BRD4: variants seen among roughly 807,000 people sequenced by gnomAD.
BRD4 encodes the protein bromodomain containing 4, also known as bromodomain-containing protein 4.
A neutral mutation model predicts 142.1 loss-of-function variants in BRD4; 16 were observed. The observed-to-expected ratio is 0.11, with a 90% CI of 0.08 to 0.17. The LOEUF (loss-of-function observed/expected upper bound fraction) is 0.17. BRD4 is among the 10% of genes least tolerant of loss of function. The pLI is 1.00. For synonymous variants in BRD4, 833 were observed against 707.5 expected (o/e 1.18, Z -2.82); for missense variants, 1,424 against 1,810.9 (o/e 0.79, Z 3.88).
intron 1 of BRD4, among the ~76,000 whole-genome samples, chr19:15,328,535 C>A (rs1599536895): frequency 6.6e-6 from 1 of 152,220 alleles, no homozygotes. Context: ...CCAGCGTTAT[C>A]TTAGTTGAAA....
chr19:15,289,352 G>A (rs1196173386), intron 1 of BRD4, among the ~76,000 whole-genome samples: 1 of 152,142 alleles, frequency 6.6e-6, no homozygotes, highest in Non-Finnish European at 1.5e-5. Flanking sequence ...AGGAGTTCGG[G>A]ACCAACCTGA....
At chr19:15,283,782 C>T (rs975508587) in intron 1 of BRD4, among the ~76,000 whole-genome samples, 3 of 152,216 alleles carry the variant, frequency 2.0e-5, no homozygotes, top group Non-Finnish European at 2.9e-5. Context: ...CTTCTCAAAG[C>T]AGCAGAGCAG....
chr19:15,298,605 G>C (rs186176690), intron 1 of BRD4, among the ~76,000 whole-genome samples: 2 of 121,632 alleles, frequency 1.6e-5, no homozygotes. Flanking sequence ...TGGGCAACAG[G>C]GCGAGACTCC....
chr19:15,267,600 C>A, intron 3 of BRD4, 49 bp from the exon 4 acceptor site: 1 of 1,591,122 alleles, frequency 6.3e-7, no homozygotes, highest in Non-Finnish European at 8.5e-7. Context: ...CCCCTCCCCA[C>A]CTCTGTAGAC....
At chr19:15,244,654 G>C (rs2047269650) in intron 12 of BRD4, 54 bp from the exon 13 acceptor site, 1 of 1,614,042 alleles carries the variant, frequency 6.2e-7, no homozygotes, top group East Asian at 2.2e-5. Flanking sequence ...AGGCAGAACT[G>C]GCCCGGGCCA....
rs779098106 is a variant in BRD4, at chr19:15,265,670, T to TA, written c.560-28dup. On this transcript the variant is annotated intron_variant, in intron 4 of 19. Coordinates refer to ENST00000679869, the MANE Select transcript of BRD4 (RefSeq NM_001379291.1). Reference sequence around the variant, plus strand: ...TACAAATCATAATAAGACGGCGAGTTAGAGACCATGCTGACATCCACATGC... The same window carrying TA: ...TACAAATCATAATAAGACGGCGAGTTAAGAGACCATGCTGACATCCACATGC... 3.0e-5 allele frequency: 48 copies of TA among 1,613,356 alleles called. No individual in the cohort carries two copies. The East Asian group carries it at 1.0e-3, about 34-fold the overall frequency.
At chr19:15,326,436 A>G (rs937628213) in intron 1 of BRD4, among the ~76,000 whole-genome samples, 2 of 152,116 alleles carry the variant, frequency 1.3e-5, no homozygotes, top group Non-Finnish European at 1.5e-5. Flanking sequence ...TGGGTGACAG[A>G]GCAAAGACTT....
intron 11 of BRD4, chr19:15,245,002 C>T (rs892782394): frequency 1.2e-5 from 8 of 693,926 alleles, no homozygotes; most frequent in African/African-American, 1.8e-5. Context: ...AAAAAGCCTC[C>T]CCTGCCAAGC....
At chr19:15,257,309 T>C in intron 7 of BRD4, 136 bp from the exon 8 acceptor site, 1 of 844,556 alleles carries the variant, frequency 1.2e-6, no homozygotes, top group Non-Finnish European at 1.8e-6. Context: ...TCCTGTCTCT[T>C]TGCTGCCGAG....
At chr19:15,288,714 G>A (rs974675254) in intron 1 of BRD4, among the ~76,000 whole-genome samples, 2 of 152,216 alleles carry the variant, frequency 1.3e-5, no homozygotes, top group African/African-American at 2.4e-5. Flanking sequence ...GGAAGTCAAC[G>A]CCCGAGGGTG....
At position 15,238,609 on chromosome 19, in the gene BRD4, CA is replaced by C; in HGVS notation, c.4020+133del. 1 of 1,467,722 alleles carries C rather than the reference CA, an allele frequency of 6.8e-7. No homozygotes were observed. Among genetic ancestry groups the C allele is most frequent in the Non-Finnish European group, 9.0e-7 (1 of 1,106,480 alleles). 90.9% of individuals were successfully genotyped at this position (1,467,722 alleles called of 1,614,324 possible). ...GCACTCAGGGCCCTACAGCTGAGTC[CA>C]GAGGACCACATGCCGACCAGCAGGG... is the stretch of plus-strand genomic sequence containing the variant. On this transcript the variant is annotated intron_variant, in intron 19 of 19. Transcript: ENST00000679869. The surrounding 1 kb of genome is among the most constrained non-coding windows in gnomAD (Gnocchi z 7.2).
intron 1 of BRD4, among the ~76,000 whole-genome samples, chr19:15,309,439 G>A (rs987232914): frequency 1.3e-5 from 2 of 151,932 alleles, no homozygotes; most frequent in Non-Finnish European, 2.9e-5. Flanking sequence ...CGGCAAAGAT[G>A]TGGAGAAACT....
chr19:15,253,627 G>A (rs2047372602), intron 11 of BRD4: 2 of 1,596,442 alleles, frequency 1.3e-6, no homozygotes, highest in Non-Finnish European at 1.7e-6. Flanking sequence ...CCAGGTGATG[G>A]CAGGGCCAGC....
intron 2 of BRD4, among the ~76,000 whole-genome samples, chr19:15,269,810 G>A (rs140107248): frequency 5.0e-4 from 76 of 152,324 alleles, no homozygotes; most frequent in African/African-American, 1.8e-3. Context: ...AGATGTAAAC[G>A]TCTTAAAGTG....
intron 1 of BRD4, among the ~76,000 whole-genome samples, chr19:15,311,467 G>C (rs1297274477): frequency 6.6e-6 from 1 of 152,000 alleles, no homozygotes; most frequent in Non-Finnish European, 1.5e-5. Flanking sequence ...ATTATGCTTA[G>C]TGAAGTAAGC....
intron 7 of BRD4, among the ~76,000 whole-genome samples, chr19:15,262,554 A>G (rs2047484582): frequency 6.7e-6 from 1 of 150,012 alleles, no homozygotes; most frequent in Non-Finnish European, 1.5e-5. Context: ...AAAAAAAAAA[A>G]GAAAATAAAC....
At chr19:15,300,978 G>A (rs905484699) in intron 1 of BRD4, among the ~76,000 whole-genome samples, 3 of 152,214 alleles carry the variant, frequency 2.0e-5, no homozygotes, top group Non-Finnish European at 4.4e-5. Context: ...AACTGCATGT[G>A]AATAGCTTTA....
Position 15,237,100 on chromosome 19 carries a change from T to C in BRD4, c.*1277A>G, listed in dbSNP as rs1468768239. ...CCAGGTAGGGGAGTCTCTGCCTTAG[T>C]CTGTGGCGCCCCCAGGGCCCGGTTC... On this transcript the variant is annotated 3_prime_UTR_variant, in exon 20 of 20. Coordinates refer to ENST00000679869, the MANE Select transcript of BRD4 (RefSeq NM_001379291.1). 4 of 209,098 alleles carry C rather than the reference T, an allele frequency of 1.9e-5. No homozygotes were observed. The Admixed American group carries it at 2.4e-4, about 12-fold the overall frequency. The allele number at this position is 209,098 out of a possible 1,614,324, so 13.0% of individuals were successfully genotyped here.
At chr19:15,314,932 CAAATGAACG>C (rs2048003554) in intron 1 of BRD4, among the ~76,000 whole-genome samples, 1 of 152,152 alleles carries the variant, frequency 6.6e-6, no homozygotes, top group Non-Finnish European at 1.5e-5. Context: ...GAAGAAGAAT[CAAATGAACG>C]GAATGAGGCA....
Sources: gnomAD v4.1 joint callset for allele counts (sites outside exome capture counted in the v4.1 genomes callset) on GRCh38, gnomAD v4.1.1 for gene constraint, Gnocchi (gnomAD v3.1) non-coding constraint, MANE v1.5 for transcripts, NCBI Gene and HGNC (gene_info 2026-07-23, HGNC 2026-07-21) for gene names.